The following ABCG8 variants were observed in gnomAD, a reference collection of about 807,000 sequenced individuals.
ABCG8 encodes the protein ATP binding cassette subfamily G member 8.
ABCG8 carries 81 observed loss-of-function variants against 71.3 expected under a neutral mutation model. The observed-to-expected ratio is 1.14, with a 90% CI of 0.95 to 1.37. The LOEUF is 1.37. Among genes scored for constraint, ABCG8 ranks in the 40% most tolerant of loss-of-function variants. The probability of loss-of-function intolerance (pLI) is 0.00; values close to 1 mark genes in which losing one functional copy is unlikely to be tolerated. For missense variants in ABCG8, 1,119 were observed against 866.2 expected, an observed-to-expected ratio of 1.29 and a Z score of -3.66; for synonymous variants, 451 against 354.7, an observed-to-expected ratio of 1.27 and a Z score of -3.05.
At chr2:43,869,590 GA>G (rs1669683858) in intron 6 of ABCG8, among the ~76,000 whole-genome samples, 1 of 152,088 alleles carries the variant, frequency 6.6e-6, no homozygotes, top group South Asian at 2.1e-4. Flanking sequence ...TATCTGGATA[GA>G]ATTCTTACTC....
intron 6 of ABCG8, among the ~76,000 whole-genome samples, chr2:43,858,504 C>T (rs1669190596): frequency 6.6e-6 from 1 of 151,364 alleles, no homozygotes; most frequent in Non-Finnish European, 1.5e-5. Context: ...CTGAATAGTA[C>T]TCTCACTATC....
Position 43,878,149 on chromosome 2 carries a change from G to A in ABCG8, c.*236G>A. The A allele has an allele frequency of 3.4e-6, 2 of 589,192 alleles. No homozygotes were observed. The highest frequency in any genetic ancestry group is 3.8e-5 in the South Asian group (2 of 51,952). 36.5% of individuals were successfully genotyped at this position (589,192 alleles called of 1,614,324 possible). A position where few individuals can be genotyped will look rare whatever the true frequency, so the allele number is the denominator to read the frequency against. On this transcript the variant is annotated 3_prime_UTR_variant, in exon 13 of 13. Coordinates refer to ENST00000272286, the MANE Select transcript of ABCG8 (RefSeq NM_022437.3). ...GACTGCGATGACTGGGAGAAAACCT[G>A]CACTCGGTGGCACCTACAACGTTGC...
intron 10 of ABCG8, 102 bp from the exon 11 acceptor site, chr2:43,875,044 G>C (rs937602884): frequency 6.5e-7 from 1 of 1,531,076 alleles, no homozygotes; most frequent in Non-Finnish European, 8.9e-7. Context: ...ATCATCACCA[G>C]GAGGGAAGGT....
chr2:43,868,364 C>G (rs932819687), intron 6 of ABCG8, among the ~76,000 whole-genome samples: 3 of 151,828 alleles, frequency 2.0e-5, no homozygotes, highest in Admixed American at 1.3e-4. Flanking sequence ...ATAGAACTCT[C>G]AGTATCTGTA....
chr2:43,871,699 T>C (rs1344404910), intron 6 of ABCG8, among the ~76,000 whole-genome samples: 1 of 152,216 alleles, frequency 6.6e-6, no homozygotes, highest in Non-Finnish European at 1.5e-5. Flanking sequence ...GTAGTGGGAC[T>C]TGGGCGGGGC....
rs1668463414 is a variant in ABCG8 at position 43,839,083 on chromosome 2, G to A, written c.30G>A (p.Gly10=). 1 of 1,551,106 alleles carries A rather than the reference G, an allele frequency of 6.4e-7. No individual in the cohort carries two copies. The highest frequency in any genetic ancestry group is 8.7e-7 in the Non-Finnish European group (1 of 1,146,836). The change falls in exon 1 of 13, where the codon GGG becomes GGA. Residue 10 remains glycine (G), a synonymous_variant. Coordinates refer to ENST00000272286, the MANE Select transcript of ABCG8 (RefSeq NM_022437.3). ...CCGGGAAGGCGGCAGAGGAGAGAGG[G>A]CTGCCGAAAGGGGCCACTCCCCAGG... is the stretch of plus-strand genomic sequence containing the variant. The part of the protein sequence containing the change: MAGKAAEER[G]LPKGATPQDT...
chr2:43,856,485 T>C (rs1669112032), intron 6 of ABCG8, among the ~76,000 whole-genome samples: 1 of 151,944 alleles, frequency 6.6e-6, no homozygotes, highest in African/African-American at 2.4e-5. Context: ...ACTCTCACCA[T>C]GTGTATAAAA....
At chr2:43,861,430 C>G (rs1656237306) in intron 6 of ABCG8, among the ~76,000 whole-genome samples, 1 of 151,120 alleles carries the variant, frequency 6.6e-6, no homozygotes, top group South Asian at 2.1e-4. Flanking sequence ...GGATAGAACT[C>G]TCACTATCAA....
intron 1 of ABCG8, among the ~76,000 whole-genome samples, chr2:43,839,583 C>T (rs746712404): frequency 1.3e-4 from 20 of 151,820 alleles, no homozygotes; most frequent in Non-Finnish European, 1.5e-4. Context: ...CCTGCCACCA[C>T]ACCTGGCAAA....
In ABCG8 at chr2:43,875,345, GC is replaced by G. The variant is rs768287423; in HGVS notation, c.1689del (p.Ser563ArgfsTer15). ...ACCTTCCACATGGCCTCCTTCTTCA[GC>G]AATGCCCTCTACAACTCCTTCTACC... ...LPTFHMASFF[S>X]NALYNSFYLA... On this transcript the variant is annotated frameshift_variant, in exon 11 of 13. Coordinates refer to ENST00000272286, the MANE Select transcript of ABCG8 (RefSeq NM_022437.3). LOFTEE classifies it high-confidence loss of function. 1.9e-6 allele frequency: 3 copies of G among 1,614,044 alleles called. No homozygotes were observed. The Admixed American group carries it at 5.0e-5, about 27-fold the overall frequency.
rs201862267 is a variant in ABCG8 at position 43,852,847 on chromosome 2, A to G, written c.943A>G (p.Ser315Gly). 17 of 1,614,008 alleles carry G rather than the reference A, an allele frequency of 1.1e-5. No homozygotes were observed. Among genetic ancestry groups the G allele is most frequent in the Non-Finnish European group, 1.4e-5 (16 of 1,180,044 alleles). Residue 315 changes from serine (S) to glycine (G), a missense_variant, in exon 6 of 13, where the codon AGC becomes GGC. Physicochemically the swap from Ser to Gly is moderately conservative, Grantham distance 56 (BLOSUM62 0). Coordinates refer to ENST00000272286, the MANE Select transcript of ABCG8 (RefSeq NM_022437.3). ...TAIGYPCPRY[S>G]NPADFYVDLT... is the part of the protein sequence containing the mutation. ...CATCGGCTACCCCTGTCCTCGCTACAGCAATCCTGCTGACTTCTATGGTGA... is the reference window on the plus strand; with the variant it reads ...CATCGGCTACCCCTGTCCTCGCTACGGCAATCCTGCTGACTTCTATGGTGA...
rs772227858 is a variant in ABCG8, at chr2:43,872,240, A to G, written c.1145A>G (p.Asp382Gly). The G allele has an allele frequency of 6.2e-7, 1 of 1,613,956 alleles. No individual in the cohort carries two copies. Among genetic ancestry groups the G allele is most frequent in the Admixed American group, 1.7e-5 (1 of 60,020 alleles). The stretch of plus-strand genomic sequence containing the variant: ...CCTCCCAGCAGCGTGACCCCACTAG[A>G]CACCAACTGCCTCCCGAGTCCTACG... The part of the protein sequence containing the change: ...TCVESSVTPL[D>G]TNCLPSPTKM... Residue 382 changes from aspartate (D) to glycine (G), a missense_variant, in exon 8 of 13, where the codon GAC (aspartate) becomes GGC (glycine). Asp to Gly is a moderately conservative substitution (Grantham distance 94, BLOSUM62 -1). Transcript: ENST00000272286.
chr2:43,851,433 A>T, intron 3 of ABCG8, 151 bp from the exon 4 acceptor site: 1 of 840,566 alleles, frequency 1.2e-6, no homozygotes, highest in Non-Finnish European at 2.0e-6. Flanking sequence ...CACCCCATCT[A>T]GGTCCAGGGA....
chr2:43,842,389 C>T lies in ABCG8; in HGVS notation c.64-2118C>T, dbSNP rs1274967091. Among the ~76,000 whole-genome samples, 8 of 152,256 alleles carry T rather than the reference C, an allele frequency of 5.3e-5. No individual in the cohort carries two copies. The East Asian group carries it at 5.8e-4, about 11-fold the overall frequency. ...AATGAAGCAATGTGCACAGTGACAG[C>T]GGAGAGGGCGAGTGAGGGGCAAGGC... On this transcript the variant is annotated intron_variant, in intron 1 of 12. Transcript: ENST00000272286.
At chr2:43,851,461 G>T in intron 3 of ABCG8, 123 bp from the exon 4 acceptor site, 1 of 1,095,270 alleles carries the variant, frequency 9.1e-7, no homozygotes, top group East Asian at 2.5e-5. Flanking sequence ...ACCTCTCTAG[G>T]GGCTGGTCAC....
chr2:43,840,926 C>A (rs893057110), intron 1 of ABCG8, among the ~76,000 whole-genome samples: 2 of 152,184 alleles, frequency 1.3e-5, no homozygotes, highest in African/African-American at 4.8e-5. Context: ...GGTGTACAGA[C>A]CCTGGGGATG....
intron 6 of ABCG8, among the ~76,000 whole-genome samples, chr2:43,858,765 T>A (rs1455671228): frequency 2.8e-4 from 43 of 151,236 alleles, no homozygotes; most frequent in Admixed American, 2.8e-3. Context: ...ATTCTCACTC[T>A]GGATAGAACT....
chr2:43,860,249 T>C (rs1669262098), intron 6 of ABCG8, among the ~76,000 whole-genome samples: 1 of 151,270 alleles, frequency 6.6e-6, no homozygotes, highest in South Asian at 2.1e-4. Context: ...TCTCATGATC[T>C]GGATAGAACT....
Sources: gnomAD v4.1 joint callset for allele counts (sites outside exome capture counted in the v4.1 genomes callset) on GRCh38, gnomAD v4.1.1 for gene constraint, MANE v1.5 for transcripts, NCBI Gene and HGNC (gene_info 2026-07-23, HGNC 2026-07-21) for gene names.